Variants in P3H2 observed in about 807,000 individuals in gnomAD.
The protein encoded by P3H2 is prolyl 3-hydroxylase 2.
In P3H2, 80 loss-of-function variants were observed where a neutral mutation model predicts 87.0. The observed-to-expected ratio is 0.92, with a 90% CI of 0.77 to 1.11. P3H2 has a LOEUF of 1.11. Among genes scored for constraint, P3H2 ranks in the 50% least tolerant of loss-of-function variants. The probability of loss-of-function intolerance (pLI) is 0.00; values close to 1 mark genes in which losing one functional copy is unlikely to be tolerated. For synonymous variants in P3H2, 367 were observed against 359.3 expected (o/e 1.02, Z -0.24); for missense variants, 1,001 against 923.9 (o/e 1.08, Z -1.08).
chr3:190,059,514 A>G (rs868491647), intron 1 of P3H2, among the ~76,000 whole-genome samples: 1 of 152,124 alleles, frequency 6.6e-6, no homozygotes, highest in South Asian at 2.1e-4. Context: ...GCAAAGACTA[A>G]GAGAATGAGA....
intron 1 of P3H2, among the ~76,000 whole-genome samples, chr3:190,058,010 A>T (rs1726212614): frequency 6.6e-6 from 1 of 152,156 alleles, no homozygotes; most frequent in Non-Finnish European, 1.5e-5. Context: ...GAGACAGAGG[A>T]ATAGCTGGGG....
intron 14 of P3H2, among the ~76,000 whole-genome samples, chr3:189,961,410 C>T (rs1374276169): frequency 6.6e-6 from 1 of 152,134 alleles, no homozygotes; most frequent in African/African-American, 2.4e-5. Context: ...AAGGATGTTG[C>T]TAAATACTCC....
chr3:190,025,973 C>T (rs1042655224), intron 1 of P3H2, among the ~76,000 whole-genome samples: 1 of 152,046 alleles, frequency 6.6e-6, no homozygotes, highest in Non-Finnish European at 1.5e-5. Context: ...GGGAAAGTAC[C>T]TTTTAGAGTT....
At chr3:189,964,890 G>A (rs1488239482) in intron 13 of P3H2, among the ~76,000 whole-genome samples, 1 of 152,240 alleles carries the variant, frequency 6.6e-6, no homozygotes, top group African/African-American at 2.4e-5. Flanking sequence ...AGCCAGGGTA[G>A]AAGATCAAAC....
chr3:189,963,508 G>T (rs953800593), intron 14 of P3H2: 1 of 188,918 alleles, frequency 5.3e-6, no homozygotes, highest in Non-Finnish European at 1.1e-5. Context: ...GCAGTGGTGC[G>T]ATCTCGGCTT....
chr3:189,994,334 A>AAACC, intron 2 of P3H2, 51 bp from the exon 3 acceptor site: 1 of 1,486,690 alleles, frequency 6.7e-7, no homozygotes, highest in East Asian at 2.3e-5. Context: ...ACAAACAAAC[A>AAACC]AAAAAACCCT....
Position 189,957,833 on chromosome 3 carries a change from T to G in P3H2, c.*79A>C. The stretch of plus-strand genomic sequence containing the variant: ...GACATTAACCTGTTAATTTATACCA[T>G]GGCTCTGTACAAAAATAAAAAGGTT... On this transcript the variant is annotated 3_prime_UTR_variant, in exon 15 of 15. Transcript: ENST00000319332. The G allele has an allele frequency of 1.1e-6, 1 of 947,136 alleles. No homozygotes were observed. Among genetic ancestry groups the G allele is most frequent in the African/African-American group, 1.6e-5 (1 of 61,480 alleles). 58.7% of individuals were successfully genotyped at this position (947,136 alleles called of 1,614,324 possible).
rs180979234 is a variant in P3H2, at chr3:190,072,755, A to T, written c.480+47497T>A. 9.2e-4 allele frequency among the ~76,000 whole-genome samples: 140 copies of T among 152,338 alleles called. No individual in the cohort carries two copies. The East Asian group carries it at 0.012, about 13-fold the overall frequency. ...AAAGTTACTAAACAACATGCACAATATAATTCAAACAACTGTTTAAATTTA... is the reference window on the plus strand; with the variant it reads ...AAAGTTACTAAACAACATGCACAATTTAATTCAAACAACTGTTTAAATTTA... On this transcript the variant is annotated intron_variant, in intron 1 of 14. Transcript: ENST00000319332.
chr3:189,990,033 T>C (rs188106671), intron 3 of P3H2, among the ~76,000 whole-genome samples: 2 of 152,152 alleles, frequency 1.3e-5, no homozygotes, highest in East Asian at 1.9e-4. Flanking sequence ...TTTGATCTCA[T>C]AGCTGTGCAA....
At chr3:190,004,849 A>G (rs1161427869) in intron 1 of P3H2, among the ~76,000 whole-genome samples, 1 of 151,612 alleles carries the variant, frequency 6.6e-6, no homozygotes, top group African/African-American at 2.4e-5. Flanking sequence ...CGAGTGACTC[A>G]ATTAAAAAAA....
intron 1 of P3H2, among the ~76,000 whole-genome samples, chr3:190,042,915 C>A (rs535172204): frequency 6.6e-6 from 1 of 152,166 alleles, no homozygotes; most frequent in African/African-American, 2.4e-5. Context: ...AAAGGCTAGT[C>A]AATTTTAACG....
At chr3:190,065,524 T>C (rs1397499130) in intron 1 of P3H2, among the ~76,000 whole-genome samples, 2 of 152,216 alleles carry the variant, frequency 1.3e-5, no homozygotes, top group African/African-American at 2.4e-5. Flanking sequence ...GTCAGTGTTA[T>C]GTTAATCAGT....
intron 1 of P3H2, among the ~76,000 whole-genome samples, chr3:190,014,654 A>G (rs1724694818): frequency 6.6e-6 from 1 of 151,950 alleles, no homozygotes; most frequent in African/African-American, 2.4e-5. Flanking sequence ...TTGAGCCCAC[A>G]TCTTCTGGGG....
intron 13 of P3H2, among the ~76,000 whole-genome samples, chr3:189,967,324 G>T (rs748107179): frequency 1.3e-5 from 2 of 151,108 alleles, no homozygotes; most frequent in African/African-American, 2.4e-5. Flanking sequence ...AATTAAAATT[G>T]TAGCACTCTG....
At chr3:190,054,557 G>T (rs1246147621) in intron 1 of P3H2, among the ~76,000 whole-genome samples, 1 of 151,872 alleles carries the variant, frequency 6.6e-6, no homozygotes, top group Non-Finnish European at 1.5e-5. Context: ...ATGAAGCTTT[G>T]ATTGGACCTC....
At chr3:190,081,365 C>T (rs1021665944) in intron 1 of P3H2, among the ~76,000 whole-genome samples, 7 of 152,222 alleles carry the variant, frequency 4.6e-5, no homozygotes, top group Admixed American at 2.0e-4. Context: ...AACAAGGTAG[C>T]TTCATGTTAC....
chr3:189,957,896 A>G lies in P3H2; in HGVS notation c.*16T>C, dbSNP rs1722688051. On this transcript the variant is annotated 3_prime_UTR_variant, in exon 15 of 15. Coordinates refer to ENST00000319332, the MANE Select transcript of P3H2 (RefSeq NM_018192.4). ...ACAATTTAAATAAATATTTGATAGA[A>G]CATTCTTTCTCATTTTTATAGCTCA... is the stretch of plus-strand genomic sequence containing the variant. 5.3e-6 allele frequency: 8 copies of G among 1,500,274 alleles called. No homozygotes were observed. In the African/African-American group the frequency reaches 9.6e-5, roughly 18 times the overall value. 92.9% of individuals were successfully genotyped at this position (1,500,274 alleles called of 1,614,324 possible).
intron 1 of P3H2, among the ~76,000 whole-genome samples, chr3:190,075,775 G>A (rs1434813861): frequency 6.6e-6 from 1 of 152,174 alleles, no homozygotes; most frequent in Non-Finnish European, 1.5e-5. Flanking sequence ...AGATCAGGTT[G>A]AAAGATAGGT....
chr3:190,100,097 A>C (rs1482300736), intron 1 of P3H2, among the ~76,000 whole-genome samples: 2 of 152,010 alleles, frequency 1.3e-5, no homozygotes, highest in South Asian at 2.1e-4. Context: ...AGCCAGGTGC[A>C]GTGGTGGGCA....
Sources: gnomAD v4.1 joint callset for allele counts (sites outside exome capture counted in the v4.1 genomes callset) on GRCh38, gnomAD v4.1.1 for gene constraint, MANE v1.5 for transcripts, NCBI Gene and HGNC (gene_info 2026-07-23, HGNC 2026-07-21) for gene names.